The following CCDC102B variants were observed in gnomAD, a reference collection of about 807,000 sequenced individuals.
CCDC102B encodes coiled-coil domain-containing protein 102B.
CCDC102B carries 75 observed loss-of-function variants against 57.4 expected under a neutral mutation model. The ratio of observed to expected loss-of-function variants is 1.31; its 90% CI spans 1.08 to 1.58. The LOEUF (loss-of-function observed/expected upper bound fraction) is 1.58, where lower values mean the gene tolerates loss of function less well. Ranked by LOEUF, CCDC102B falls within the 40% of genes most tolerant of loss-of-function variation. CCDC102B has a pLI of 0.00. For missense variants in CCDC102B, 636 were observed against 582.6 expected, an observed-to-expected ratio of 1.09 and a Z score of -0.94; for synonymous variants, 206 against 201.9, an observed-to-expected ratio of 1.02 and a Z score of -0.17.
chr18:68,734,246 A>C (rs866731071), intron 2 of CCDC102B, among the ~76,000 whole-genome samples: 1 of 152,216 alleles, frequency 6.6e-6, no homozygotes, highest in South Asian at 2.1e-4. Context: ...AGGGCTCATT[A>C]AGAGGCACAG....
chr18:68,903,234 G>C (rs1802508114), intron 6 of CCDC102B, among the ~76,000 whole-genome samples: 1 of 152,048 alleles, frequency 6.6e-6, no homozygotes, highest in Non-Finnish European at 1.5e-5. Context: ...AATCAAAAAA[G>C]AACTTTAGAT....
intron 2 of CCDC102B, among the ~76,000 whole-genome samples, chr18:68,730,805 A>G (rs1368658731): frequency 6.6e-6 from 1 of 152,202 alleles, no homozygotes; most frequent in Non-Finnish European, 1.5e-5. Context: ...TACATGATGT[A>G]TTTAATACTG....
At chr18:68,859,434 A>G (rs1268198272) in intron 4 of CCDC102B, among the ~76,000 whole-genome samples, 1 of 12,126 alleles carries the variant, frequency 8.2e-5, no homozygotes, top group East Asian at 1.4e-3. Flanking sequence ...TGGCAACAAA[A>G]GCCAAAATTG....
At chr18:68,813,161 A>G (rs936170497) in intron 1 of CCDC102B, among the ~76,000 whole-genome samples, 2 of 151,982 alleles carry the variant, frequency 1.3e-5, no homozygotes, top group Non-Finnish European at 2.9e-5. Context: ...CTTGTTTGAT[A>G]AATGTATGGC....
At chr18:68,889,522 C>T (rs539458604) in intron 5 of CCDC102B, among the ~76,000 whole-genome samples, 27 of 152,208 alleles carry the variant, frequency 1.8e-4, no homozygotes, top group Non-Finnish European at 3.1e-4. Flanking sequence ...TGGGTTCAAG[C>T]GATTCTCCTG....
intron 6 of CCDC102B, among the ~76,000 whole-genome samples, chr18:68,916,956 G>A (rs1044317187): frequency 6.6e-6 from 1 of 152,152 alleles, no homozygotes; most frequent in Non-Finnish European, 1.5e-5. Context: ...ACTAGAGTGA[G>A]TCGGTGAGCA....
intron 6 of CCDC102B, among the ~76,000 whole-genome samples, chr18:68,907,242 T>A (rs2040682845): frequency 3.3e-5 from 5 of 152,190 alleles, no homozygotes; most frequent in Non-Finnish European, 5.9e-5. Flanking sequence ...AGTGCGAGTA[T>A]TTCAACTTTG....
chr18:68,764,838 C>T (rs996339047), intron 2 of CCDC102B, among the ~76,000 whole-genome samples: 1 of 151,526 alleles, frequency 6.6e-6, no homozygotes, highest in African/African-American at 2.4e-5. Flanking sequence ...GAGTTTGAGA[C>T]CAGCCTGGGC....
intron 6 of CCDC102B, among the ~76,000 whole-genome samples, chr18:68,961,986 T>C (rs1029288326): frequency 6.6e-6 from 1 of 152,098 alleles, no homozygotes; most frequent in East Asian, 1.9e-4. Flanking sequence ...ATATTGAACA[T>C]GTCTTACACA....
chr18:68,899,893 C>T (rs559910273), intron 6 of CCDC102B: 1 of 152,090 alleles, frequency 6.6e-6, no homozygotes, highest in African/African-American at 2.4e-5. Flanking sequence ...ATTTTCTTTA[C>T]GTAAGTAATC....
At chr18:68,865,572 A>T (rs945402571) in intron 4 of CCDC102B, among the ~76,000 whole-genome samples, 1 of 152,178 alleles carries the variant, frequency 6.6e-6, no homozygotes, top group African/African-American at 2.4e-5. Flanking sequence ...TGCCTAAGGA[A>T]GTACTTTGCA....
chr18:68,761,634 C>T (rs1230090915), intron 2 of CCDC102B, among the ~76,000 whole-genome samples: 1 of 151,924 alleles, frequency 6.6e-6, no homozygotes, highest in African/African-American at 2.4e-5. Context: ...GCTGGCATAG[C>T]TTTGTGCTTT....
At chr18:68,929,607 A>G (rs1428877597) in intron 6 of CCDC102B, among the ~76,000 whole-genome samples, 2 of 151,944 alleles carry the variant, frequency 1.3e-5, no homozygotes, top group Middle Eastern at 3.2e-3. Flanking sequence ...AATTCCTGGT[A>G]GTTAGTGTGT....
rs555387725 is a variant in CCDC102B, at chr18:68,856,697, G to C, written c.936+10276G>C. ...AGAGGGAGCTTATAGAATAATCTAC[G>C]AAGTTTAAAAAGTTTGTAAGTGATA... On this transcript the variant is annotated intron_variant, in intron 4 of 7. Transcript: ENST00000360242. Among the ~76,000 whole-genome samples, 12 of 152,082 alleles carry C rather than the reference G, an allele frequency of 7.9e-5. No homozygotes were observed. In the South Asian group the frequency reaches 2.5e-3, roughly 32 times the overall value.
chr18:68,885,610 G>A (rs1234005832), intron 5 of CCDC102B, among the ~76,000 whole-genome samples: 4 of 151,980 alleles, frequency 2.6e-5, no homozygotes, highest in African/African-American at 9.7e-5. Flanking sequence ...TTAAAATTCT[G>A]AAGAAAGTGA....
At position 68,948,492 on chromosome 18, in the gene CCDC102B, A is replaced by G. The variant is rs1003343283; in HGVS notation, c.1263+51064A>G. Among the ~76,000 whole-genome samples the G allele has an allele frequency of 1.0e-4, 14 of 135,220 alleles. No homozygotes were observed. In the South Asian group the frequency reaches 2.8e-3, roughly 27 times the overall value. The allele number at this position is 135,220 out of a possible 152,430, so 88.7% of individuals were successfully genotyped here. A position where few individuals can be genotyped will look rare whatever the true frequency, so the allele number is the denominator to read the frequency against. On this transcript the variant is annotated intron_variant, in intron 6 of 7. Coordinates refer to ENST00000360242, the MANE Select transcript of CCDC102B (RefSeq NM_024781.3). ...TTACAATAAGCCAAAATTGAAGTGTATTTGGAAAAATCAATGAAACATTGA... is the reference window on the plus strand; with the variant it reads ...TTACAATAAGCCAAAATTGAAGTGTGTTTGGAAAAATCAATGAAACATTGA...
chr18:68,747,057 A>G (rs932218771), intron 2 of CCDC102B, among the ~76,000 whole-genome samples: 1 of 151,998 alleles, frequency 6.6e-6, no homozygotes, highest in African/African-American at 2.4e-5. Context: ...CATCATCTCA[A>G]CCATTTGTCA....
chr18:68,875,734 T>C (rs1055004377), intron 5 of CCDC102B, among the ~76,000 whole-genome samples: 2 of 152,078 alleles, frequency 1.3e-5, no homozygotes, highest in Non-Finnish European at 2.9e-5. Flanking sequence ...AAAATAATAG[T>C]AATAATAATA....
chr18:68,844,944 TTTTG>T lies in CCDC102B; in HGVS notation c.828-1365_828-1362del, dbSNP rs2037794858. Among the ~76,000 whole-genome samples, 4 of 148,736 alleles carry T rather than the reference TTTTG, an allele frequency of 2.7e-5. No homozygotes were observed. The South Asian group carries it at 8.7e-4, about 32-fold the overall frequency. ...CAAGTTGAGTCTCTTTGTTTGTTAA[TTTTG>T]TTTAATATATTTGCTATGTTAATAA... is the stretch of plus-strand genomic sequence containing the variant. On this transcript the variant is annotated intron_variant, in intron 3 of 7. Transcript: ENST00000360242.
Sources: allele counts gnomAD v4.1 joint callset (sites outside exome capture counted in the v4.1 genomes callset), GRCh38; gene constraint gnomAD v4.1.1; transcripts MANE v1.5; gene names NCBI Gene and HGNC (gene_info 2026-07-23, HGNC 2026-07-21).